Variants in DSC1 observed in about 807,000 individuals in gnomAD.
DSC1 encodes the protein desmocollin 1, also known as desmocollin-1.
DSC1 carries 79 observed loss-of-function variants against 98.8 expected under a neutral mutation model. That is an observed-to-expected ratio of 0.80 (90% CI 0.67 to 0.96). DSC1 has a LOEUF of 0.96. Ranked by LOEUF, DSC1 falls within the 50% of genes least tolerant of loss-of-function variation. The pLI, the probability that DSC1 is intolerant of heterozygous loss-of-function variation, is 0.00. For missense variants in DSC1, 1,115 were observed against 1,075.9 expected (o/e 1.04, Z -0.51); for synonymous variants, 405 against 372.1 (o/e 1.09, Z -1.02).
chr18:31,142,129 A>T lies in DSC1; in HGVS notation c.1130T>A (p.Val377Glu). The T allele has an allele frequency of 6.2e-7, 1 of 1,613,086 alleles. No homozygotes were observed. Among genetic ancestry groups the T allele is most frequent in the Non-Finnish European group, 8.5e-7 (1 of 1,179,690 alleles). The change falls in exon 9 of 16, where the codon GTA becomes GAA. Residue 377 changes from valine (V) to glutamate (E), a missense_variant. Coordinates refer to ENST00000257198, the MANE Select transcript of DSC1 (RefSeq NM_024421.2). ...RIDVEILRMK[V>E]QDQDLPNTPH... is the part of the protein sequence containing the mutation. ...AGTGTTTGGCAAATCCTGATCCTGT[A>T]CCTTCATTCGTAAAATCTCCACGTC...
At chr18:31,149,526 T>A (rs931475895) in intron 5 of DSC1, among the ~76,000 whole-genome samples, 1 of 152,212 alleles carries the variant, frequency 6.6e-6, no homozygotes, top group Non-Finnish European at 1.5e-5. Context: ...CTATTCCCAC[T>A]GCCATCATTT....
At chr18:31,136,784 C>A (rs1988619305) in intron 11 of DSC1, among the ~76,000 whole-genome samples, 1 of 152,154 alleles carries the variant, frequency 6.6e-6, no homozygotes, top group South Asian at 2.1e-4. Context: ...ATGCTGCCTG[C>A]AGGCCACAGG....
intron 6 of DSC1, among the ~76,000 whole-genome samples, chr18:31,146,163 G>C (rs1017067426): frequency 3.9e-5 from 6 of 152,096 alleles, no homozygotes; most frequent in African/African-American, 1.4e-4. Context: ...ACCGAGGTTT[G>C]GGCTTCTAAT....
chr18:31,130,544 C>T lies in DSC1; in HGVS notation c.2655G>A (p.Arg885=), dbSNP rs1295270638. 4 of 1,614,134 alleles carry T rather than the reference C, an allele frequency of 2.5e-6. No individual in the cohort carries two copies. In the South Asian group the frequency reaches 4.4e-5, roughly 18 times the overall value. Residue 885 remains arginine, a synonymous_variant, in exon 16 of 16, where the codon AGG becomes AGA. Coordinates refer to ENST00000257198, the MANE Select transcript of DSC1 (RefSeq NM_024421.2). ...TCTTGATGCATGTCTTTGCTAATGT[C>T]CTAAATTTGGGTTCCAGGTGATCTA... ...EFLDHLEPKF[R]TLAKTCIKK
intron 14 of DSC1, chr18:31,132,086 T>C: frequency 5.6e-6 from 3 of 533,728 alleles, no homozygotes; most frequent in Non-Finnish European, 1.0e-5. Context: ...GTAGATGTAA[T>C]TAGCTAAGAT....
At chr18:31,159,572 T>C in intron 1 of DSC1, 43 bp from the exon 2 acceptor site, 1 of 1,493,834 alleles carries the variant, frequency 6.7e-7, no homozygotes, top group Non-Finnish European at 9.1e-7. Flanking sequence ...TTAAATTTGA[T>C]CACAAATTTT....
intron 7 of DSC1, among the ~76,000 whole-genome samples, chr18:31,144,146 G>A (rs1988794396): frequency 6.6e-6 from 1 of 152,064 alleles, no homozygotes; most frequent in Admixed American, 6.6e-5. Flanking sequence ...CTGAGCTTAG[G>A]CAATCTGCCT....
intron 13 of DSC1, among the ~76,000 whole-genome samples, chr18:31,133,186 G>A (rs1988532978): frequency 6.6e-6 from 1 of 152,068 alleles, no homozygotes; most frequent in South Asian, 2.1e-4. Context: ...TATAGGAAAA[G>A]TTTGTAAATG....
intron 11 of DSC1, among the ~76,000 whole-genome samples, chr18:31,138,426 A>G (rs1598616082): frequency 6.6e-6 from 1 of 152,206 alleles, no homozygotes; most frequent in South Asian, 2.1e-4. Flanking sequence ...TAATAATTCT[A>G]TAGTTGATAT....
intron 1 of DSC1, among the ~76,000 whole-genome samples, chr18:31,161,923 A>AACCCC (rs1989216744): frequency 6.6e-6 from 1 of 152,168 alleles, no homozygotes; most frequent in South Asian, 2.1e-4. Flanking sequence ...TGTGTGAAAT[A>AACCCC]ACCCCCCTCT....
In DSC1 at chr18:31,131,823, G is replaced by C. The variant is rs1196005701; in HGVS notation, c.2258C>G (p.Pro753Arg). 1 of 1,613,992 alleles carries C rather than the reference G, an allele frequency of 6.2e-7. No homozygotes were observed. The highest frequency in any genetic ancestry group is 2.2e-5 in the East Asian group (1 of 44,878). The change falls in exon 15 of 16, where the codon CCC becomes CGC. Residue 753 changes from proline (P) to arginine (R), a missense_variant. Coordinates refer to ENST00000257198, the MANE Select transcript of DSC1 (RefSeq NM_024421.2). ...GTCACAAATGTTGGATGTCTGCATG[G>C]GGAGTCTAATATTTGCTTCCTAAAA... ...EEVTEANIRL[P>R]MQTSNICDTS...
Position 31,130,583 on chromosome 18 carries a change from CTCT to C in DSC1, c.2613_2615del (p.Glu872del). 1.9e-6 allele frequency: 3 copies of C among 1,614,148 alleles called. No homozygotes were observed. Among genetic ancestry groups the C allele is most frequent in the Non-Finnish European group, 2.5e-6 (3 of 1,180,028 alleles). On this transcript the variant is annotated inframe_deletion, in exon 16 of 16. Transcript: ENST00000257198. Reference sequence around the variant, plus strand: ...CCAGGTGATCTAGAAACTCCAGTCCCTCTTCTTCCTGCCGATCGCTGCAGCAAC... The same window carrying C: ...CCAGGTGATCTAGAAACTCCAGTCCCTCTTCCTGCCGATCGCTGCAGCAAC...
intron 5 of DSC1, among the ~76,000 whole-genome samples, chr18:31,150,285 C>G (rs1163517071): frequency 4.0e-5 from 5 of 124,656 alleles, no homozygotes; most frequent in East Asian, 3.0e-4. Context: ...ACCATCACCA[C>G]CACCACCACT....
intron 2 of DSC1, among the ~76,000 whole-genome samples, chr18:31,158,441 T>C (rs1989143381): frequency 6.6e-6 from 1 of 152,266 alleles, no homozygotes; most frequent in Non-Finnish European, 1.5e-5. Context: ...ATTTACTATG[T>C]GTCTTTAGAG....
chr18:31,142,752 G>C (rs1400844593), intron 8 of DSC1, among the ~76,000 whole-genome samples: 2 of 152,030 alleles, frequency 1.3e-5, no homozygotes, highest in Admixed American at 1.3e-4. Flanking sequence ...ACTAAAAGAA[G>C]TAGTAAATTG....
chr18:31,158,923 A>AT (rs1989151825), intron 2 of DSC1, among the ~76,000 whole-genome samples: 1 of 151,758 alleles, frequency 6.6e-6, no homozygotes. Flanking sequence ...ATGTTTGCTA[A>AT]TTTTTTTGGC....
Position 31,131,713 on chromosome 18 carries a change from C to T in DSC1, c.2368G>A (p.Asp790Asn). 6.2e-7 allele frequency: 1 copy of T among 1,614,076 alleles called. No individual in the cohort carries two copies. The highest frequency in any genetic ancestry group is 8.5e-7 in the Non-Finnish European group (1 of 1,179,970). ...TGATGTCCACCTCCTTTGTTGGAAT[C>T]CAAAGTGTAGCCTCCTTTGACCATC... is the stretch of plus-strand genomic sequence containing the variant. ...FEMVKGGYTL[D>N]SNKGGGHQTL... is the part of the protein sequence containing the mutation. The change falls in exon 15 of 16, where the codon GAT becomes AAT. Residue 790 changes from aspartate (D) to asparagine (N), a missense_variant. By Grantham distance (23) the Asp-to-Asn change is conservative (BLOSUM62 1). Coordinates refer to ENST00000257198, the MANE Select transcript of DSC1 (RefSeq NM_024421.2).
At chr18:31,151,012 A>G (rs998461119) in intron 5 of DSC1, 1 of 152,200 alleles carries the variant, frequency 6.6e-6, no homozygotes, top group Non-Finnish European at 1.5e-5. Context: ...CATCTCTTGT[A>G]ATGAATTTTT....
At chr18:31,161,503 G>T (rs1032664415) in intron 1 of DSC1, among the ~76,000 whole-genome samples, 2 of 152,072 alleles carry the variant, frequency 1.3e-5, no homozygotes, top group Non-Finnish European at 2.9e-5. Context: ...GCCACTGAAG[G>T]TTTCCATTCA....
Sources: allele counts gnomAD v4.1 joint callset (sites outside exome capture counted in the v4.1 genomes callset), GRCh38; gene constraint gnomAD v4.1.1; transcripts MANE v1.5; gene names NCBI Gene and HGNC (gene_info 2026-07-23, HGNC 2026-07-21).